Variants in CORT observed in about 807,000 individuals in gnomAD.
The protein encoded by CORT is cortistatin.
A neutral mutation model predicts 4.4 loss-of-function variants in CORT; 2 were observed. The observed-to-expected ratio is 0.46, with a 90% CI of 0.19 to 1.44. The LOEUF is 1.44. Among genes scored for constraint, CORT ranks in the 40% most tolerant of loss-of-function variants. The probability of loss-of-function intolerance (pLI) is 0.26; values close to 1 mark genes in which losing one functional copy is unlikely to be tolerated. For missense variants in CORT, 158 were observed against 140.2 expected, an observed-to-expected ratio of 1.13 and a Z score of -0.64; for synonymous variants, 72 against 62.0, an observed-to-expected ratio of 1.16 and a Z score of -0.75.
chr1:10,451,119 A>G lies in CORT; in HGVS notation c.100-258A>G, dbSNP rs1441720714. On this transcript the variant is annotated intron_variant, in intron 1 of 1. Transcript: ENST00000377049. The stretch of plus-strand genomic sequence containing the variant: ...ACCAGGTTTCTTCCCTTGACTTAAA[A>G]TGACCAACTTTTCTCTAATTAAAGC... Among the ~76,000 whole-genome samples the G allele has an allele frequency of 2.6e-5, 4 of 152,324 alleles. No individual in the cohort carries two copies. In the East Asian group the frequency reaches 5.8e-4, roughly 22 times the overall value.
Position 10,450,150 on chromosome 1 carries a change from A to C in CORT, c.-74A>C, listed in dbSNP as rs1446324625. 1.2e-6 allele frequency: 2 copies of C among 1,610,492 alleles called. No individual in the cohort carries two copies. Among genetic ancestry groups the C allele is most frequent in the South Asian group, 2.2e-5 (2 of 89,840 alleles). On this transcript the variant is annotated 5_prime_UTR_variant, in exon 1 of 2. Transcript: ENST00000377049. ...TCCAAAGAAGAGACCCAAGTCCCCAAAACATTGATTTCAGGGCTGCCAGGA... is the reference window on the plus strand; with the variant it reads ...TCCAAAGAAGAGACCCAAGTCCCCACAACATTGATTTCAGGGCTGCCAGGA...
chr1:10,451,730 TACTG>T lies in CORT; in HGVS notation c.*138_*141del. 7.4e-7 allele frequency: 1 copy of T among 1,350,710 alleles called. No homozygotes were observed. The highest frequency in any genetic ancestry group is 9.8e-7 in the Non-Finnish European group (1 of 1,020,830). The allele number at this position is 1,350,710 out of a possible 1,614,324, so 83.7% of individuals were successfully genotyped here. A position where few individuals can be genotyped will look rare whatever the true frequency, so the allele number is the denominator to read the frequency against. On this transcript the variant is annotated 3_prime_UTR_variant, in exon 2 of 2. Transcript: ENST00000377049. ...TTATTTAAATTCCAATAATGCCCAA[TACTG>T]ACGTGTCTTGAGTAATTTGGAACCC... is the stretch of plus-strand genomic sequence containing the variant.
rs1640793261 is a variant in CORT, at chr1:10,451,646, T to C, written c.*51T>C. The C allele has an allele frequency of 1.9e-6, 3 of 1,544,122 alleles. No individual in the cohort carries two copies. Among genetic ancestry groups the C allele is most frequent in the Non-Finnish European group, 2.6e-6 (3 of 1,143,452 alleles). The stretch of plus-strand genomic sequence containing the variant: ...AGTGTAATGACAGACCTGAATAAAA[T>C]GTATTAAGCAGCAGTGATCTTTCCT... On this transcript the variant is annotated 3_prime_UTR_variant, in exon 2 of 2. Transcript: ENST00000377049.
chr1:10,450,484 G>C (rs1051796467), intron 1 of CORT, among the ~76,000 whole-genome samples, 162 bp downstream of exon 1: 3 of 152,248 alleles, frequency 2.0e-5, no homozygotes, highest in African/African-American at 7.2e-5. Context: ...GAGGTACTGG[G>C]ATGCCGCATT....
In CORT at chr1:10,451,585, C is replaced by T; in HGVS notation, c.308C>T (p.Ser103Phe). 1 of 1,612,056 alleles carries T rather than the reference C, an allele frequency of 6.2e-7. No individual in the cohort carries two copies. ...CRNFFWKTFS[S>F]CK ...AACTTCTTCTGGAAGACCTTCTCCT[C>T]CTGCAAATAAAACCTCACCCATGAA... The change falls in exon 2 of 2, where the codon TCC becomes TTC. Residue 103 changes from serine (S) to phenylalanine (F), a missense_variant. By Grantham distance (155) the Ser-to-Phe change is radical. Coordinates refer to ENST00000377049, the MANE Select transcript of CORT (RefSeq NM_001302.5).
intron 1 of CORT, among the ~76,000 whole-genome samples, chr1:10,450,673 G>A (rs995323390): frequency 6.6e-6 from 1 of 152,176 alleles, no homozygotes; most frequent in Admixed American, 6.5e-5. Context: ...CATAGCACAG[G>A]CTCCCACTGG....
rs1052301359 is a variant in CORT at position 10,451,776 on chromosome 1, A to G, written c.*181A>G. 9.1e-7 allele frequency: 1 copy of G among 1,101,398 alleles called. No homozygotes were observed. Among genetic ancestry groups the G allele is most frequent in the Non-Finnish European group, 1.2e-6 (1 of 811,364 alleles). The allele number at this position is 1,101,398 out of a possible 1,614,324, so 68.2% of individuals were successfully genotyped here. On this transcript the variant is annotated 3_prime_UTR_variant, in exon 2 of 2. Coordinates refer to ENST00000377049, the MANE Select transcript of CORT (RefSeq NM_001302.5). ...TTGGAACCCAAAGTGAAGATCTTTG[A>G]TAAAGATTTTTTTGTGGTTCGACTG...
At chr1:10,450,928 C>G (rs1640764934) in intron 1 of CORT, among the ~76,000 whole-genome samples, 1 of 152,170 alleles carries the variant, frequency 6.6e-6, no homozygotes, top group Non-Finnish European at 1.5e-5. Context: ...TCAGTCCCAT[C>G]GTCTCAGAAA....
rs370903835 is a variant in CORT at position 10,450,319 on chromosome 1, C to T, written c.96C>T (p.Ser32=). 1.2e-5 allele frequency: 18 copies of T among 1,512,096 alleles called. No individual in the cohort carries two copies. Among genetic ancestry groups the T allele is most frequent in the Middle Eastern group, 1.8e-4 (1 of 5,588 alleles). 93.7% of individuals were successfully genotyped at this position (1,512,096 alleles called of 1,614,324 possible). Reference sequence around the variant, plus strand: ...AGGGTGGCCCCACCGGCCGAGACAGCGAGGTGAGTACAGTCCCGACGTGGC... The same window carrying T: ...AGGGTGGCCCCACCGGCCGAGACAGTGAGGTGAGTACAGTCCCGACGTGGC... ...PLEGGPTGRD[S]EHMQEAAGIR... Residue 32 remains serine (S), a synonymous_variant, in exon 1 of 2, where the codon AGC becomes AGT. Transcript: ENST00000377049.
In CORT at chr1:10,450,172, A is replaced by G. The variant is rs775559314; in HGVS notation, c.-52A>G. On this transcript the variant is annotated 5_prime_UTR_variant, in exon 1 of 2. Transcript: ENST00000377049. ...CCAAAACATTGATTTCAGGGCTGCC[A>G]GGAAGGAAGAGCAGCAGCAGGGTGG... is the stretch of plus-strand genomic sequence containing the variant. 42 of 1,610,476 alleles carry G rather than the reference A, an allele frequency of 2.6e-5. No individual in the cohort carries two copies. In the African/African-American group the frequency reaches 5.2e-4, roughly 20 times the overall value.
At chr1:10,451,328 G>A (rs372125309) in intron 1 of CORT, 49 bp from the exon 2 acceptor site, 7 of 1,516,902 alleles carry the variant, frequency 4.6e-6, no homozygotes, top group South Asian at 1.3e-5. Flanking sequence ...TGCTGCCTGA[G>A]CCAGATTGCT....
At position 10,451,618 on chromosome 1, in the gene CORT, G is replaced by A. The variant is rs192809834; in HGVS notation, c.*23G>A. On this transcript the variant is annotated 3_prime_UTR_variant, in exon 2 of 2. Transcript: ENST00000377049. ...TAAAACCTCACCCATGAATGCTCAC[G>A]CAAGTGTAATGACAGACCTGAATAA... is the stretch of plus-strand genomic sequence containing the variant. 1.1e-5 allele frequency: 17 copies of A among 1,601,772 alleles called. No homozygotes were observed. The highest frequency in any genetic ancestry group is 3.4e-5 in the Admixed American group (2 of 58,498).
Position 10,450,337 on chromosome 1 carries a change from G to A in CORT, c.99+15G>A, listed in dbSNP as rs1266312535. 1.6e-5 allele frequency: 24 copies of A among 1,472,060 alleles called. No individual in the cohort carries two copies. In the East Asian group the frequency reaches 2.2e-4, roughly 13 times the overall value. The allele number at this position is 1,472,060 out of a possible 1,614,324, so 91.2% of individuals were successfully genotyped here. A position where few individuals can be genotyped will look rare whatever the true frequency, so the allele number is the denominator to read the frequency against. On this transcript the variant is annotated intron_variant, in intron 1 of 1. Coordinates refer to ENST00000377049, the MANE Select transcript of CORT (RefSeq NM_001302.5). ...GAGACAGCGAGGTGAGTACAGTCCC[G>A]ACGTGGCCACACGCTAGCCCACTCT...
Position 10,451,617 on chromosome 1 carries a change from C to T in CORT, c.*22C>T, listed in dbSNP as rs766732752. On this transcript the variant is annotated 3_prime_UTR_variant, in exon 2 of 2. Transcript: ENST00000377049. The stretch of plus-strand genomic sequence containing the variant: ...ATAAAACCTCACCCATGAATGCTCA[C>T]GCAAGTGTAATGACAGACCTGAATA... 3.0e-5 allele frequency: 48 copies of T among 1,602,282 alleles called. No homozygotes were observed. Among genetic ancestry groups the T allele is most frequent in the Non-Finnish European group, 3.7e-5 (43 of 1,174,638 alleles).
Position 10,451,503 on chromosome 1 carries a change from C to T in CORT, c.226C>T (p.Arg76Trp), listed in dbSNP as rs751627080. 27 of 1,613,944 alleles carry T rather than the reference C, an allele frequency of 1.7e-5. No individual in the cohort carries two copies. The highest frequency in any genetic ancestry group is 1.6e-4 in the Middle Eastern group (1 of 6,068). The part of the protein sequence containing the change: ...IGEEAREVAR[R>W]QEGAPPQQSA... ...AGAGGAAGCCCGGGAGGTGGCCAGGCGGCAGGAAGGCGCACCCCCCCAGCA... is the reference window on the plus strand; with the variant it reads ...AGAGGAAGCCCGGGAGGTGGCCAGGTGGCAGGAAGGCGCACCCCCCCAGCA... Residue 76 changes from arginine (R) to tryptophan (W), a missense_variant, in exon 2 of 2, where the codon CGG becomes TGG. Transcript: ENST00000377049.
Position 10,451,428 on chromosome 1 carries a change from G to T in CORT, c.151G>T (p.Ala51Ser). 6.2e-7 allele frequency: 1 copy of T among 1,613,696 alleles called. No individual in the cohort carries two copies. The highest frequency in any genetic ancestry group is 8.5e-7 in the Non-Finnish European group (1 of 1,179,784). Residue 51 changes from alanine (A) to serine (S), a missense_variant, in exon 2 of 2, where the codon GCT becomes TCT. Physicochemically the swap from Ala to Ser is moderately conservative, Grantham distance 99. Coordinates refer to ENST00000377049, the MANE Select transcript of CORT (RefSeq NM_001302.5). ...GAAAAGCAGCCTCCTGACTTTCCTCGCTTGGTGGTTTGAGTGGACCTCCCA... is the reference window on the plus strand; with the variant it reads ...GAAAAGCAGCCTCCTGACTTTCCTCTCTTGGTGGTTTGAGTGGACCTCCCA... ...IRKSSLLTFL[A>S]WWFEWTSQAS...
chr1:10,450,929 G>A (rs1332876500), intron 1 of CORT, among the ~76,000 whole-genome samples: 3 of 152,116 alleles, frequency 2.0e-5, no homozygotes, highest in Non-Finnish European at 4.4e-5. Flanking sequence ...CAGTCCCATC[G>A]TCTCAGAAAG....
rs1191249820 is a variant in CORT at position 10,451,233 on chromosome 1, A to G, written c.100-144A>G. ...CGCTATGGAGCATCTTTTCATTTTA[A>G]TATTTTCTTTCTCTTTTCTCCAGGG... On this transcript the variant is annotated intron_variant, in intron 1 of 1. Coordinates refer to ENST00000377049, the MANE Select transcript of CORT (RefSeq NM_001302.5). 2.7e-6 allele frequency: 3 copies of G among 1,119,078 alleles called. No individual in the cohort carries two copies. In the African/African-American group the frequency reaches 4.8e-5, roughly 18 times the overall value. 69.3% of individuals were successfully genotyped at this position (1,119,078 alleles called of 1,614,324 possible).
intron 1 of CORT, among the ~76,000 whole-genome samples, 183 bp downstream of exon 1, chr1:10,450,505 A>T (rs1182798987): frequency 1.3e-5 from 2 of 152,074 alleles, no homozygotes; most frequent in Non-Finnish European, 2.9e-5. Flanking sequence ...CAGACCACTG[A>T]TCCTCAGTTA....
Sources: gnomAD v4.1 joint callset for allele counts (sites outside exome capture counted in the v4.1 genomes callset) on GRCh38, gnomAD v4.1.1 for gene constraint, MANE v1.5 for transcripts, NCBI Gene and HGNC (gene_info 2026-07-23, HGNC 2026-07-21) for gene names.